CEP70: variants seen among roughly 807,000 people sequenced by gnomAD.
CEP70 encodes the protein centrosomal protein 70.
A neutral mutation model predicts 90.9 loss-of-function variants in CEP70; 70 were observed. The ratio of observed to expected loss-of-function variants is 0.77; its 90% CI spans 0.64 to 0.94. The LOEUF is 0.94. Among genes scored for constraint, CEP70 ranks in the 40% least tolerant of loss-of-function variants. The pLI is 0.00. For synonymous variants in CEP70, 220 were observed against 228.3 expected, an observed-to-expected ratio of 0.96 and a Z score of 0.33; for missense variants, 648 against 669.0, an observed-to-expected ratio of 0.97 and a Z score of 0.35.
At chr3:138,498,700 C>T (rs997485160) in intron 16 of CEP70, among the ~76,000 whole-genome samples, 1 of 151,962 alleles carries the variant, frequency 6.6e-6, no homozygotes, top group Non-Finnish European at 1.5e-5. Context: ...CATGCTTTTA[C>T]AGCATTTTCT....
At chr3:138,591,801 A>AT in intron 2 of CEP70, 53 bp downstream of exon 2, 3 of 1,465,682 alleles carry the variant, frequency 2.0e-6, no homozygotes, top group South Asian at 1.2e-5. Flanking sequence ...TAAATATTAG[A>AT]TTTTTTTCCA....
intron 17 of CEP70, chr3:138,496,537 A>G (rs2033968846): frequency 1.0e-6 from 1 of 985,386 alleles, no homozygotes; most frequent in African/African-American, 1.7e-5. Context: ...CCTGCCTTAC[A>G]AATGAACCTC....
intron 11 of CEP70, among the ~76,000 whole-genome samples, chr3:138,515,467 C>CAAAAAA (rs145902706): frequency 3.1e-5 from 2 of 65,400 alleles, no homozygotes; most frequent in African/African-American, 1.2e-4. Flanking sequence ...CATAGAAATG[C>CAAAAAA]AAAAAAAAAA....
chr3:138,503,450 T>G (rs548555855), intron 13 of CEP70, among the ~76,000 whole-genome samples: 1 of 152,282 alleles, frequency 6.6e-6, no homozygotes, highest in South Asian at 2.1e-4. Context: ...AAAGCCAAAT[T>G]TAACCTGAGG....
At chr3:138,572,974 A>C (rs2041280733) in intron 2 of CEP70, 42 bp from the exon 3 acceptor site, 1 of 1,398,540 alleles carries the variant, frequency 7.2e-7, no homozygotes, top group African/African-American at 1.4e-5. Flanking sequence ...CAATTAAAAA[A>C]TTTGAGTTGC....
chr3:138,495,944 A>C, intron 17 of CEP70: 1 of 985,220 alleles, frequency 1.0e-6, no homozygotes, highest in East Asian at 1.1e-4. Flanking sequence ...AGCCTGGTCC[A>C]GCTTACCAGA....
chr3:138,533,489 C>A (rs1439543093), intron 7 of CEP70, among the ~76,000 whole-genome samples: 2 of 151,996 alleles, frequency 1.3e-5, no homozygotes, highest in Non-Finnish European at 2.9e-5. Context: ...GGTTCTTAAC[C>A]AGAGAATAAT....
intron 3 of CEP70, 122 bp downstream of exon 3, chr3:138,572,737 C>CTTTA (rs1338847080): frequency 1.9e-5 from 14 of 734,114 alleles, no homozygotes; most frequent in African/African-American, 1.8e-4. Flanking sequence ...TAGTCTTTAA[C>CTTTA]CCAGCATTTC....
intron 12 of CEP70, among the ~76,000 whole-genome samples, chr3:138,507,043 T>C (rs2035052378): frequency 6.6e-6 from 1 of 152,130 alleles, no homozygotes. Context: ...ATACCCGGCT[T>C]GAATTCCCCT....
intron 6 of CEP70, among the ~76,000 whole-genome samples, chr3:138,554,729 A>C (rs2039869332): frequency 6.6e-6 from 1 of 152,228 alleles, no homozygotes; most frequent in Admixed American, 6.5e-5. Context: ...TAAAAATAAA[A>C]TAAAGTACTT....
chr3:138,548,246 C>T (rs780325508), intron 6 of CEP70, among the ~76,000 whole-genome samples: 17 of 152,154 alleles, frequency 1.1e-4, no homozygotes, highest in African/African-American at 2.7e-4. Context: ...TGTAATACAC[C>T]GCATTAGCAC....
At chr3:138,520,192 A>G in intron 11 of CEP70, among the ~76,000 whole-genome samples, 1 of 152,204 alleles carries the variant, frequency 6.6e-6, no homozygotes, top group Non-Finnish European at 1.5e-5. Flanking sequence ...GCAAGTCCTT[A>G]GAGACCTACA....
At chr3:138,566,334 T>C (rs755286074) in intron 6 of CEP70, among the ~76,000 whole-genome samples, 1 of 152,210 alleles carries the variant, frequency 6.6e-6, no homozygotes, top group Non-Finnish European at 1.5e-5. Flanking sequence ...ACTGGGTATA[T>C]ACCCAAAGGA....
At chr3:138,507,267 T>C (rs1490747212) in intron 12 of CEP70, among the ~76,000 whole-genome samples, 3 of 152,322 alleles carry the variant, frequency 2.0e-5, no homozygotes, top group Middle Eastern at 3.4e-3. Flanking sequence ...CAACACTTTA[T>C]TGAAGACTAT....
At chr3:138,552,123 T>A (rs527451501) in intron 6 of CEP70, among the ~76,000 whole-genome samples, 2 of 152,120 alleles carry the variant, frequency 1.3e-5, no homozygotes, top group Non-Finnish European at 2.9e-5. Context: ...CAGGAAAATA[T>A]CACAATCCTA....
At chr3:138,564,976 G>A (rs1576856737) in intron 6 of CEP70, among the ~76,000 whole-genome samples, 1 of 152,276 alleles carries the variant, frequency 6.6e-6, no homozygotes, top group Admixed American at 6.5e-5. Context: ...ATCTCCTTAA[G>A]CTGATAAGCA....
chr3:138,518,124 G>A (rs575319617), intron 11 of CEP70, among the ~76,000 whole-genome samples: 9 of 152,342 alleles, frequency 5.9e-5, no homozygotes, highest in Admixed American at 6.5e-5. Context: ...AGGCGGCAGC[G>A]AGGCTGTGGG....
intron 17 of CEP70, among the ~76,000 whole-genome samples, chr3:138,495,427 T>C: frequency 6.6e-6 from 1 of 152,232 alleles, no homozygotes; most frequent in East Asian, 1.9e-4. Flanking sequence ...ATCTACATGA[T>C]GAAATCCCAG....
At chr3:138,587,525 G>A (rs1275204609) in intron 2 of CEP70, among the ~76,000 whole-genome samples, 1 of 151,536 alleles carries the variant, frequency 6.6e-6, no homozygotes, top group Non-Finnish European at 1.5e-5. Flanking sequence ...GCTCACACCT[G>A]TAATCCCAGC....
Sources: allele counts gnomAD v4.1 joint callset (sites outside exome capture counted in the v4.1 genomes callset), GRCh38; gene constraint gnomAD v4.1.1; transcripts MANE v1.5; gene names NCBI Gene and HGNC (gene_info 2026-07-23, HGNC 2026-07-21).